The following NELL2 variants were observed in gnomAD, a reference collection of about 807,000 sequenced individuals.
The protein encoded by NELL2 is protein kinase C-binding protein NELL2.
In NELL2, 41 loss-of-function variants were observed where a neutral mutation model predicts 109.6. The ratio of observed to expected loss-of-function variants is 0.37; its 90% CI spans 0.29 to 0.49. The LOEUF is 0.49. Among genes scored for constraint, NELL2 ranks in the 20% least tolerant of loss-of-function variants. The pLI is 0.98. For synonymous variants in NELL2, 355 were observed against 344.7 expected (o/e 1.03, Z -0.33); for missense variants, 900 against 1,008.3 (o/e 0.89, Z 1.45).
intron 12 of NELL2, among the ~76,000 whole-genome samples, chr12:44,696,039 C>T (rs1028128549): frequency 2.6e-5 from 4 of 152,112 alleles, no homozygotes; most frequent in African/African-American, 4.8e-5. Context: ...CTCCAAAGAA[C>T]CATAGTTTTG....
intron 15 of NELL2, among the ~76,000 whole-genome samples, chr12:44,536,248 A>C (rs535382959): frequency 6.6e-6 from 1 of 152,164 alleles, no homozygotes; most frequent in East Asian, 1.9e-4. Context: ...TACTTAGTAA[A>C]TAAAGAATTG....
At chr12:44,739,051 C>A (rs1939801186) in intron 9 of NELL2, among the ~76,000 whole-genome samples, 1 of 151,652 alleles carries the variant, frequency 6.6e-6, no homozygotes, top group Non-Finnish European at 1.5e-5. Flanking sequence ...CACATCCATA[C>A]ACACACATAC....
chr12:44,708,269 C>T (rs1041637458), intron 11 of NELL2, among the ~76,000 whole-genome samples: 1 of 152,192 alleles, frequency 6.6e-6, no homozygotes, highest in Non-Finnish European at 1.5e-5. Context: ...AGATGGCTAG[C>T]TACAGGGTAC....
chr12:44,574,931 C>T (rs1475910808), intron 15 of NELL2, among the ~76,000 whole-genome samples: 1 of 152,178 alleles, frequency 6.6e-6, no homozygotes, highest in Non-Finnish European at 1.5e-5. Flanking sequence ...TAAGACAAAA[C>T]TATTTTTTAT....
At chr12:44,770,020 GA>G (rs1490112688) in intron 9 of NELL2, among the ~76,000 whole-genome samples, 1 of 151,970 alleles carries the variant, frequency 6.6e-6, no homozygotes, top group East Asian at 1.9e-4. Context: ...CAATTTGAGA[GA>G]AAAAAATTAC....
chr12:44,917,140 G>A (rs1428116693), upstream of NELL2, among the ~76,000 whole-genome samples: 1 of 152,154 alleles, frequency 6.6e-6, no homozygotes, highest in Non-Finnish European at 1.5e-5. Context: ...GTGCAGCCAG[G>A]ATTGAAGAAC....
chr12:44,574,727 T>C (rs1488721049), intron 15 of NELL2, among the ~76,000 whole-genome samples: 1 of 152,208 alleles, frequency 6.6e-6, no homozygotes, highest in African/African-American at 2.4e-5. Flanking sequence ...TTGCTAGTGC[T>C]TCAGAGATTT....
chr12:44,820,830 G>A (rs1943518139), intron 2 of NELL2, among the ~76,000 whole-genome samples: 1 of 152,072 alleles, frequency 6.6e-6, no homozygotes, highest in Non-Finnish European at 1.5e-5. Context: ...CATACATGTG[G>A]ACATGTCCAG....
At chr12:44,654,537 A>G (rs962955621) in intron 13 of NELL2, among the ~76,000 whole-genome samples, 5 of 152,204 alleles carry the variant, frequency 3.3e-5, no homozygotes, top group Non-Finnish European at 7.3e-5. Flanking sequence ...CCAATAGTTT[A>G]CAGCAAAAGT....
intron 2 of NELL2, among the ~76,000 whole-genome samples, chr12:44,862,201 G>A (rs1158257851): frequency 4.6e-5 from 7 of 152,260 alleles, no homozygotes; most frequent in Admixed American, 6.5e-5. Context: ...CACCAGCAGC[G>A]CTTGCAGCTG....
chr12:44,717,518 A>G (rs746150869), intron 9 of NELL2, among the ~76,000 whole-genome samples: 4 of 152,202 alleles, frequency 2.6e-5, no homozygotes, highest in Non-Finnish European at 5.9e-5. Flanking sequence ...CATAAGTTAT[A>G]TGGAAACTCA....
intron 1 of NELL2, among the ~76,000 whole-genome samples, chr12:44,883,519 A>G (rs1292866204): frequency 6.6e-6 from 1 of 152,092 alleles, no homozygotes; most frequent in African/African-American, 2.4e-5. Flanking sequence ...TCTCTTTGCT[A>G]TGTAAAGTAA....
intron 7 of NELL2, 57 bp from the exon 8 acceptor site, chr12:44,776,207 TGAA>T: frequency 6.3e-7 from 1 of 1,594,440 alleles, no homozygotes; most frequent in Admixed American, 1.8e-5. Context: ...CACAGAAATG[TGAA>T]ACACTCCGCA....
At chr12:44,907,745 G>A (rs1457963640) in intron 1 of NELL2, among the ~76,000 whole-genome samples, 4 of 152,040 alleles carry the variant, frequency 2.6e-5, no homozygotes, top group Admixed American at 6.6e-5. Flanking sequence ...ACAACAGTAC[G>A]TTTGTAAGAT....
At chr12:44,642,545 A>T (rs1417567329) in intron 13 of NELL2, among the ~76,000 whole-genome samples, 1 of 152,190 alleles carries the variant, frequency 6.6e-6, no homozygotes, top group Non-Finnish European at 1.5e-5. Context: ...GAGGTCTACT[A>T]TACAACAGTG....
chr12:44,626,042 T>C (rs936379368), intron 13 of NELL2, among the ~76,000 whole-genome samples: 2 of 152,118 alleles, frequency 1.3e-5, no homozygotes, highest in African/African-American at 4.8e-5. Context: ...TAAAAAATGT[T>C]TTCCCTATAA....
intron 16 of NELL2, among the ~76,000 whole-genome samples, chr12:44,526,457 GA>G (rs745823237): frequency 2.0e-5 from 3 of 152,154 alleles, no homozygotes; most frequent in Non-Finnish European, 2.9e-5. Flanking sequence ...TGCCCAAAAT[GA>G]CACAGCCACA....
chr12:44,665,348 A>G (rs532552746), intron 13 of NELL2, 136 bp downstream of exon 13: 220 of 693,402 alleles, frequency 3.2e-4, no homozygotes, highest in Admixed American at 6.0e-4. Context: ...AATAACTACC[A>G]AATCAAGAAG....
intron 13 of NELL2, among the ~76,000 whole-genome samples, chr12:44,613,938 T>C (rs758943260): frequency 1.4e-4 from 22 of 151,996 alleles, no homozygotes; most frequent in Non-Finnish European, 2.8e-4. Context: ...CTCCAATACT[T>C]CCAATATATA....
Sources: allele counts gnomAD v4.1 joint callset (sites outside exome capture counted in the v4.1 genomes callset), GRCh38; gene constraint gnomAD v4.1.1; transcripts MANE v1.5; gene names NCBI Gene and HGNC (gene_info 2026-07-23, HGNC 2026-07-21).